Variants in IL1RAPL1 observed in about 807,000 individuals in gnomAD.
IL1RAPL1 encodes the protein interleukin 1 receptor accessory protein like 1.
IL1RAPL1 carries 3 observed loss-of-function variants against 48.4 expected under a neutral mutation model. That is an observed-to-expected ratio of 0.06 (90% CI 0.03 to 0.16). The LOEUF is 0.16. IL1RAPL1 is among the 10% of genes least tolerant of loss of function. IL1RAPL1 has a pLI of 1.00. For synonymous variants in IL1RAPL1, 185 were observed against 187.7 expected (o/e 0.99, Z 0.12); for missense variants, 349 against 530.6 (o/e 0.66, Z 3.36).
chrX:29,486,393 A>G (rs7885065), intron 5 of IL1RAPL1, among the ~76,000 whole-genome samples: 7,086 of 109,667 alleles, frequency 0.065, 569 homozygotes, highest in African/African-American at 0.22. Context: ...AGAAATTCGA[A>G]TCTCCCCAAA....
At chrX:29,162,843 G>A (rs1929714240) in intron 2 of IL1RAPL1, among the ~76,000 whole-genome samples, 1 of 110,668 alleles carries the variant, frequency 9.0e-6, no homozygotes, top group African/African-American at 3.3e-5. Flanking sequence ...GGAGGCCAGG[G>A]CAGGTGGATC....
At chrX:29,877,361 C>A (rs962387414) in intron 6 of IL1RAPL1, among the ~76,000 whole-genome samples, 2 of 111,618 alleles carry the variant, frequency 1.8e-5, no homozygotes, top group African/African-American at 6.5e-5. Context: ...TAAGCAGCAT[C>A]ACTGAGGCAT....
chrX:29,750,548 A>G (rs1928433593), intron 6 of IL1RAPL1, among the ~76,000 whole-genome samples: 2 of 112,120 alleles, frequency 1.8e-5, no homozygotes, highest in Admixed American at 1.9e-4. Context: ...TATAGGATAC[A>G]TTTTTTGAAC....
At chrX:29,675,359 T>A (rs1186899900) in intron 6 of IL1RAPL1, among the ~76,000 whole-genome samples, 1 of 111,801 alleles carries the variant, frequency 8.9e-6, no homozygotes, top group Non-Finnish European at 1.9e-5. Context: ...AAGAGTGCTG[T>A]CACAGAGCAA....
intron 3 of IL1RAPL1, among the ~76,000 whole-genome samples, chrX:29,352,752 G>A (rs1933249798): frequency 9.2e-6 from 1 of 109,050 alleles, no homozygotes; most frequent in East Asian, 2.9e-4. Context: ...CTTAGATTTT[G>A]GGCATAGGAA....
chrX:29,203,051 A>C (rs1404086468), intron 2 of IL1RAPL1, among the ~76,000 whole-genome samples: 1 of 111,849 alleles, frequency 8.9e-6, no homozygotes, highest in African/African-American at 3.3e-5. Flanking sequence ...CTACTACAAC[A>C]GGGGAGAAAG....
chrX:29,441,978 G>T (rs1000854377), intron 5 of IL1RAPL1, among the ~76,000 whole-genome samples: 1 of 111,744 alleles, frequency 8.9e-6, no homozygotes, highest in African/African-American at 3.2e-5. Flanking sequence ...ATAAGAAAAT[G>T]AACATTGATT....
chrX:29,674,858 T>A (rs1424834939), intron 6 of IL1RAPL1, among the ~76,000 whole-genome samples: 1 of 112,087 alleles, frequency 8.9e-6, no homozygotes. Context: ...CTAAAGATAA[T>A]GGACTCCAGC....
rs544579592 is a variant in IL1RAPL1, at chrX:29,005,835, G to A, written c.82+216410G>A. Among the ~76,000 whole-genome samples, 10 of 112,001 alleles carry A rather than the reference G, an allele frequency of 8.9e-5. No homozygotes were observed. In the South Asian group the frequency reaches 3.7e-3, roughly 41 times the overall value. ...AAAATGAACATGTAAAAATATTCAT[G>A]TGTCTTGACATTGGCCTTCTGATAA... On this transcript the variant is annotated intron_variant, in intron 2 of 10. Coordinates refer to ENST00000378993, the MANE Select transcript of IL1RAPL1 (RefSeq NM_014271.4).
intron 5 of IL1RAPL1, among the ~76,000 whole-genome samples, chrX:29,554,330 A>T (rs935983038): frequency 9.0e-6 from 1 of 111,560 alleles, no homozygotes; most frequent in African/African-American, 3.3e-5. Flanking sequence ...AAATTATAAT[A>T]AATAATATTC....
At chrX:29,950,373 C>T (rs1433025865) in intron 9 of IL1RAPL1, among the ~76,000 whole-genome samples, 1 of 111,804 alleles carries the variant, frequency 8.9e-6, no homozygotes, top group East Asian at 2.8e-4. Context: ...GCCGAGGGGG[C>T]AAGGTTTAGT....
rs5985906 is a variant in IL1RAPL1, at chrX:28,766,916, C to A, written c.-24-22404C>A. Among the ~76,000 whole-genome samples the A allele has an allele frequency of 5.2e-3, 570 of 110,643 alleles. 3 individuals are homozygous for A. The highest frequency in any genetic ancestry group is 0.018 in the African/African-American group (534 of 30,438). ...ATAGTAGTTCATTGTGTATATATAC[C>A]ACATTTTCTTTATCCATTCATCTGT... On this transcript the variant is annotated intron_variant, in intron 1 of 10. Transcript: ENST00000378993.
chrX:29,184,163 T>G (rs1930204871), intron 2 of IL1RAPL1, among the ~76,000 whole-genome samples: 1 of 111,893 alleles, frequency 8.9e-6, no homozygotes, highest in African/African-American at 3.2e-5. Flanking sequence ...TTATAAAATA[T>G]ACACCGTCAT....
intron 6 of IL1RAPL1, among the ~76,000 whole-genome samples, chrX:29,765,162 T>A (rs1395025266): frequency 1.8e-5 from 2 of 112,019 alleles, no homozygotes; most frequent in Non-Finnish European, 3.8e-5. Context: ...CTTCCTTGAC[T>A]TTAAAGTGGA....
intron 6 of IL1RAPL1, among the ~76,000 whole-genome samples, chrX:29,889,859 C>CTGTT (rs1490759455): frequency 9.1e-6 from 1 of 109,540 alleles, no homozygotes; most frequent in Non-Finnish European, 1.9e-5. Context: ...TCCTTTTTAA[C>CTGTT]TGTTTCAATT....
At chrX:29,131,704 C>A (rs1287856916) in intron 2 of IL1RAPL1, among the ~76,000 whole-genome samples, 1 of 111,523 alleles carries the variant, frequency 9.0e-6, no homozygotes, top group Non-Finnish European at 1.9e-5. Flanking sequence ...AAATACAAAA[C>A]CCTGATTCTT....
chrX:29,608,468 A>G (rs1923967125), intron 5 of IL1RAPL1, among the ~76,000 whole-genome samples: 1 of 83,650 alleles, frequency 1.2e-5, no homozygotes, highest in Admixed American at 1.4e-4. Context: ...AAAGGAAGAA[A>G]GAAAGGAGGA....
chrX:28,751,795 G>A (rs889462068), intron 1 of IL1RAPL1, among the ~76,000 whole-genome samples: 1 of 111,812 alleles, frequency 8.9e-6, no homozygotes, highest in Non-Finnish European at 1.9e-5. Context: ...AAATTCATCT[G>A]TGCAGGCCTA....
At chrX:29,052,383 C>T (rs1233058273) in intron 2 of IL1RAPL1, among the ~76,000 whole-genome samples, 1 of 111,371 alleles carries the variant, frequency 9.0e-6, no homozygotes, top group African/African-American at 3.3e-5. Context: ...TCGTACCTCT[C>T]TTACAAGCAC....
Sources: gnomAD v4.1 joint callset for allele counts (sites outside exome capture counted in the v4.1 genomes callset) on GRCh38, gnomAD v4.1.1 for gene constraint, MANE v1.5 for transcripts, NCBI Gene and HGNC (gene_info 2026-07-23, HGNC 2026-07-21) for gene names.